Variants in MDGA2 observed in about 807,000 individuals in gnomAD.
MDGA2 encodes the protein MAM domain-containing glycosylphosphatidylinositol anchor protein 2.
MDGA2 carries 40 observed loss-of-function variants against 117.8 expected under a neutral mutation model. The observed-to-expected ratio is 0.34, with a 90% CI of 0.26 to 0.44. The LOEUF is 0.44. MDGA2 is among the 20% of genes least tolerant of loss of function. MDGA2 has a pLI of 1.00. For missense variants in MDGA2, 1,123 were observed against 1,250.6 expected (o/e 0.90, Z 1.54); for synonymous variants, 452 against 439.0 (o/e 1.03, Z -0.37).
chr14:47,299,749 C>A (rs948883080), intron 2 of MDGA2, among the ~76,000 whole-genome samples: 1 of 151,954 alleles, frequency 6.6e-6, no homozygotes, highest in African/African-American at 2.4e-5. Context: ...TCAGTCTGTC[C>A]TTGTATGTTG....
chr14:47,575,947 T>C (rs1368337936), intron 1 of MDGA2, among the ~76,000 whole-genome samples: 1 of 152,202 alleles, frequency 6.6e-6, no homozygotes, highest in Non-Finnish European at 1.5e-5. Flanking sequence ...AATTCAGTGC[T>C]AAAGAAATCT....
intron 15 of MDGA2, among the ~76,000 whole-genome samples, chr14:46,850,738 AG>A (rs1881025470): frequency 6.6e-6 from 1 of 151,928 alleles, no homozygotes. Context: ...AAATATGAAC[AG>A]TGAGTTTAAC....
chr14:47,403,812 G>A (rs1414666020), intron 1 of MDGA2, among the ~76,000 whole-genome samples: 1 of 152,084 alleles, frequency 6.6e-6, no homozygotes, highest in Non-Finnish European at 1.5e-5. Flanking sequence ...GTTCTCCCAT[G>A]AAACAGGCCA....
intron 6 of MDGA2, among the ~76,000 whole-genome samples, chr14:47,071,618 T>A (rs1429642384): frequency 6.6e-6 from 1 of 152,080 alleles, no homozygotes; most frequent in Non-Finnish European, 1.5e-5. Context: ...GCTGGTGGTA[T>A]AGACATACTT....
chr14:47,506,923 G>T (rs369346280), intron 1 of MDGA2, among the ~76,000 whole-genome samples: 10 of 150,656 alleles, frequency 6.6e-5, no homozygotes. Context: ...GCCAGCGTGA[G>T]TTTAGACTTT....
rs115921139 is a variant in MDGA2, at chr14:47,229,014, A to T, written c.421-10819T>A. Among the ~76,000 whole-genome samples, 360 of 152,274 alleles carry T rather than the reference A, an allele frequency of 2.4e-3. 1 individual carries two copies. The highest frequency in any genetic ancestry group is 8.3e-3 in the African/African-American group (347 of 41,566). On this transcript the variant is annotated intron_variant, in intron 2 of 16. Coordinates refer to ENST00000399232, the MANE Select transcript of MDGA2 (RefSeq NM_001113498.3). ...ATATTGTTTGCAAAAAAAGAGAAAG[A>T]AATAGACATAGTGAGCCACTCTTAT...
intron 8 of MDGA2, among the ~76,000 whole-genome samples, chr14:46,987,737 G>A (rs1886914406): frequency 6.6e-6 from 1 of 151,980 alleles, no homozygotes; most frequent in Admixed American, 6.6e-5. Context: ...TTACAACTAT[G>A]TGAAAGGCAA....
At chr14:47,575,716 A>C (rs1896103710) in intron 1 of MDGA2, among the ~76,000 whole-genome samples, 1 of 152,198 alleles carries the variant, frequency 6.6e-6, no homozygotes, top group East Asian at 1.9e-4. Context: ...ATTTTATCAG[A>C]GATCAAGATC....
intron 3 of MDGA2, among the ~76,000 whole-genome samples, chr14:47,172,236 A>G (rs1405923694): frequency 6.6e-6 from 1 of 152,160 alleles, no homozygotes; most frequent in Non-Finnish European, 1.5e-5. Flanking sequence ...ACAAATAAAA[A>G]GACAGCAGTA....
intron 1 of MDGA2, among the ~76,000 whole-genome samples, chr14:47,595,557 C>CAAAAAAAAAAAAAAAAAAA (rs1162012490): frequency 1.4e-5 from 2 of 137,980 alleles, no homozygotes; most frequent in Non-Finnish European, 3.1e-5. Flanking sequence ...CAAAAAAAAA[C>CAAAAAAAAAAAAAAAAAAA]AAAAAAAAAA....
chr14:46,977,654 TAAG>T (rs891167998), intron 8 of MDGA2, among the ~76,000 whole-genome samples: 1 of 151,948 alleles, frequency 6.6e-6, no homozygotes, highest in Non-Finnish European at 1.5e-5. Flanking sequence ...GAATTTTACT[TAAG>T]AAGACAAATA....
At chr14:47,427,386 A>C (rs952392890) in intron 1 of MDGA2, among the ~76,000 whole-genome samples, 1 of 152,146 alleles carries the variant, frequency 6.6e-6, no homozygotes. Flanking sequence ...GATGGCTATG[A>C]TCTTCAAATG....
At chr14:47,429,339 C>A (rs1363551991) in intron 1 of MDGA2, among the ~76,000 whole-genome samples, 2 of 151,882 alleles carry the variant, frequency 1.3e-5, no homozygotes, top group Admixed American at 1.3e-4. Flanking sequence ...AGGAGAAAGA[C>A]AGTTTTGATA....
intron 5 of MDGA2, among the ~76,000 whole-genome samples, chr14:47,109,554 G>A (rs938778384): frequency 6.6e-6 from 1 of 152,074 alleles, no homozygotes; most frequent in Non-Finnish European, 1.5e-5. Flanking sequence ...ACAAAGAATA[G>A]GTGCTCAATA....
intron 1 of MDGA2, among the ~76,000 whole-genome samples, chr14:47,336,501 T>C (rs1890461935): frequency 1.3e-5 from 2 of 152,010 alleles, no homozygotes; most frequent in Admixed American, 1.3e-4. Context: ...TTTCTTATTT[T>C]TGACGTATAA....
Position 47,067,688 on chromosome 14 carries a change from TAA to T in MDGA2, c.1196-6112_1196-6111del, listed in dbSNP as rs560198607. On this transcript the variant is annotated intron_variant, in intron 6 of 16. Coordinates refer to ENST00000399232, the MANE Select transcript of MDGA2 (RefSeq NM_001113498.3). ...ACATTTTGCAATATGCAAACAGCAT[TAA>T]AGAGGAGTTAAATGCATCAGCTTTT... Among the ~76,000 whole-genome samples, 141 of 152,298 alleles carry T rather than the reference TAA, an allele frequency of 9.3e-4. 1 individual carries two copies. Among genetic ancestry groups the T allele is most frequent in the Non-Finnish European group, 1.1e-3 (77 of 68,018 alleles).
intron 1 of MDGA2, among the ~76,000 whole-genome samples, chr14:47,366,916 A>G (rs1227176851): frequency 2.0e-5 from 2 of 102,422 alleles, no homozygotes; most frequent in Admixed American, 1.8e-4. Flanking sequence ...ACTTTGGCCT[A>G]CTAGTTTTGC....
intron 1 of MDGA2, among the ~76,000 whole-genome samples, chr14:47,529,408 T>C (rs1477142276): frequency 1.3e-5 from 2 of 152,178 alleles, no homozygotes; most frequent in Admixed American, 6.5e-5. Flanking sequence ...TACTTTGATA[T>C]AGGCATGCAA....
chr14:47,105,640 G>C (rs1408675551), intron 5 of MDGA2, among the ~76,000 whole-genome samples: 5 of 151,740 alleles, frequency 3.3e-5, no homozygotes, highest in African/African-American at 1.2e-4. Context: ...AATAATTCTT[G>C]TCGTAAAATA....
Sources: allele counts gnomAD v4.1 joint callset (sites outside exome capture counted in the v4.1 genomes callset), GRCh38; gene constraint gnomAD v4.1.1; transcripts MANE v1.5; gene names NCBI Gene and HGNC (gene_info 2026-07-23, HGNC 2026-07-21).